Variants in ZNF207 observed in about 807,000 individuals in gnomAD.
ZNF207 encodes the protein zinc finger protein 207, also known as BUB3-interacting and GLEBS motif-containing protein ZNF207.
ZNF207 carries 24 observed loss-of-function variants against 60.2 expected under a neutral mutation model. That is an observed-to-expected ratio of 0.40 (90% CI 0.29 to 0.56). The LOEUF (loss-of-function observed/expected upper bound fraction) is 0.56, where lower values mean the gene tolerates loss of function less well. ZNF207 is among the 20% of genes least tolerant of loss of function. The pLI, the probability that ZNF207 is intolerant of heterozygous loss-of-function variation, is 0.49. For synonymous variants in ZNF207, 236 were observed against 194.7 expected, an observed-to-expected ratio of 1.21 and a Z score of -1.77; for missense variants, 452 against 636.6, an observed-to-expected ratio of 0.71 and a Z score of 3.12.
intron 1 of ZNF207, chr17:32,351,454 C>A: frequency 5.1e-6 from 7 of 1,383,144 alleles, no homozygotes; most frequent in Non-Finnish European, 5.6e-6. Context: ...TGAACTCTTT[C>A]CTGTCCTCAG....
chr17:32,355,756 A>G (rs983915319), intron 2 of ZNF207, among the ~76,000 whole-genome samples: 2 of 152,182 alleles, frequency 1.3e-5, no homozygotes, highest in African/African-American at 2.4e-5. Context: ...AGGTAGGAAA[A>G]CCAAGAGTAG....
chr17:32,375,767 T>G lies in ZNF207; in HGVS notation c.*6008T>G, dbSNP rs571366112. On this transcript the variant is annotated 3_prime_UTR_variant, in exon 12 of 12. Coordinates refer to ENST00000394670, the MANE Select transcript of ZNF207 (RefSeq NM_001098507.2). The stretch of plus-strand genomic sequence containing the variant: ...ATTATTGACCTAATATTGAGTAATC[T>G]TTCTGCGTTATTCCAAATTGAAATT... 8.5e-5 allele frequency: 13 copies of G among 152,282 alleles called. No individual in the cohort carries two copies. In the South Asian group the frequency reaches 2.7e-3, roughly 32 times the overall value. 9.4% of individuals were successfully genotyped at this position (152,282 alleles called of 1,614,324 possible).
intron 2 of ZNF207, among the ~76,000 whole-genome samples, chr17:32,354,396 C>T (rs947803251): frequency 3.3e-5 from 5 of 151,984 alleles, no homozygotes; most frequent in Non-Finnish European, 7.4e-5. Flanking sequence ...CTGCAGCCTC[C>T]GCCTCCTGGG....
At position 32,375,808 on chromosome 17, in the gene ZNF207, G is replaced by T. The variant is rs1905656743; in HGVS notation, c.*6049G>T. Reference sequence around the variant, plus strand: ...AATTGAAATTTGTTTGCTCTTCATTGTAACTTTTATGTAAAAGTCCTTTAA... The same window carrying T: ...AATTGAAATTTGTTTGCTCTTCATTTTAACTTTTATGTAAAAGTCCTTTAA... On this transcript the variant is annotated 3_prime_UTR_variant, in exon 12 of 12. Transcript: ENST00000394670. 1 of 151,948 alleles carries T rather than the reference G, an allele frequency of 6.6e-6. No homozygotes were observed. Among genetic ancestry groups the T allele is most frequent in the Non-Finnish European group, 1.5e-5 (1 of 67,916 alleles). 9.4% of individuals were successfully genotyped at this position (151,948 alleles called of 1,614,324 possible). A position where few individuals can be genotyped will look rare whatever the true frequency, so the allele number is the denominator to read the frequency against.
At chr17:32,361,379 A>G (rs1036215043) in intron 5 of ZNF207, 89 bp from the exon 6 acceptor site, 1 of 1,076,582 alleles carries the variant, frequency 9.3e-7, no homozygotes, top group South Asian at 1.8e-5. Context: ...TTACTTAAAT[A>G]TTGTTGGATG....
Position 32,369,643 on chromosome 17 carries a change from G to T in ZNF207, c.1369G>T (p.Gly457Cys). ...HHQGMPGYLP[G>C]AMPPYGQGPP... ...TCAAGGCATGCCAGGATACCTTCCT[G>T]GTGCTATGCCCCCGTATGGGCAGGG... is the stretch of plus-strand genomic sequence containing the variant. The change falls in exon 12 of 12, where the codon GGT becomes TGT. Residue 457 changes from glycine (G) to cysteine (C), a missense_variant. Transcript: ENST00000394670. 1 of 1,584,054 alleles carries T rather than the reference G, an allele frequency of 6.3e-7. No homozygotes were observed. Among genetic ancestry groups the T allele is most frequent in the Non-Finnish European group, 8.6e-7 (1 of 1,165,384 alleles).
rs935514730 is a variant in ZNF207 at position 32,377,519 on chromosome 17, A to C, written c.*7760A>C. ...TCAGTACATGTTTTTAAAATTGAGA[A>C]TCTCTGATGTGACAAAATCAATTTT... is the stretch of plus-strand genomic sequence containing the variant. On this transcript the variant is annotated 3_prime_UTR_variant, in exon 12 of 12. Coordinates refer to ENST00000394670, the MANE Select transcript of ZNF207 (RefSeq NM_001098507.2). The C allele has an allele frequency of 1.3e-5, 2 of 152,026 alleles. No homozygotes were observed. The highest frequency in any genetic ancestry group is 4.8e-5 in the African/African-American group (2 of 41,442). The allele number at this position is 152,026 out of a possible 1,614,324, so 9.4% of individuals were successfully genotyped here. A position where few individuals can be genotyped will look rare whatever the true frequency, so the allele number is the denominator to read the frequency against.
At chr17:32,363,321 C>T (rs914357219) in intron 7 of ZNF207, among the ~76,000 whole-genome samples, 26 of 151,968 alleles carry the variant, frequency 1.7e-4, no homozygotes, top group Non-Finnish European at 1.0e-4. Flanking sequence ...CTTCTGACCT[C>T]AGGTGATCCA....
chr17:32,366,744 C>T lies in ZNF207; in HGVS notation c.908C>T (p.Pro303Leu). Reference sequence around the variant, plus strand: ...TCTGCATCTTCTAAAGCTCTGTTTCCTAGCACAGCACAAGTACGCAGGAAG... The same window carrying T: ...TCTGCATCTTCTAAAGCTCTGTTTCTTAGCACAGCACAAGTACGCAGGAAG... ...SLSASSKALFPSTAQAQAAVQ... is the reference protein window; with the variant it reads ...SLSASSKALFLSTAQAQAAVQ... The change falls in exon 9 of 12, where the codon CCT becomes CTT. Residue 303 changes from proline to leucine, a missense_variant. Coordinates refer to ENST00000394670, the MANE Select transcript of ZNF207 (RefSeq NM_001098507.2). 6.2e-7 allele frequency: 1 copy of T among 1,608,608 alleles called. No individual in the cohort carries two copies.
At chr17:32,367,547 T>C (rs1467404050) in intron 9 of ZNF207, among the ~76,000 whole-genome samples, 1 of 152,006 alleles carries the variant, frequency 6.6e-6, no homozygotes, top group Non-Finnish European at 1.5e-5. Context: ...ATATGCAGTC[T>C]TATTTCCACT....
intron 7 of ZNF207, 98 bp from the exon 8 acceptor site, chr17:32,365,232 T>G: frequency 3.9e-6 from 5 of 1,296,228 alleles, no homozygotes; most frequent in Non-Finnish European, 5.3e-6. Context: ...GTCGAGTCAT[T>G]GAGCAGTTAA....
In ZNF207 at chr17:32,375,104, T is replaced by C. The variant is rs1375562337; in HGVS notation, c.*5345T>C. ...CAAGCAGTATAGCATTTAGCAAACC[T>C]GGAATTGTTTGTATATGGTTTTCAT... On this transcript the variant is annotated 3_prime_UTR_variant, in exon 12 of 12. Coordinates refer to ENST00000394670, the MANE Select transcript of ZNF207 (RefSeq NM_001098507.2). The C allele has an allele frequency of 1.3e-5, 2 of 152,198 alleles. No homozygotes were observed. Among genetic ancestry groups the C allele is most frequent in the African/African-American group, 4.8e-5 (2 of 41,438 alleles). The allele number at this position is 152,198 out of a possible 1,614,324, so 9.4% of individuals were successfully genotyped here.
At chr17:32,367,441 C>T (rs1436430155) in intron 9 of ZNF207, among the ~76,000 whole-genome samples, 1 of 150,994 alleles carries the variant, frequency 6.6e-6, no homozygotes, top group African/African-American at 2.4e-5. Context: ...AGAACACATG[C>T]TATTCTAAGA....
intron 2 of ZNF207, among the ~76,000 whole-genome samples, chr17:32,357,351 A>ATTTTTTTTTTTTTT (rs1164011891): frequency 6.8e-5 from 5 of 74,024 alleles, no homozygotes; most frequent in African/African-American, 2.8e-4. Flanking sequence ...TATTATTATT[A>ATTTTTTTTTTTTTT]TTTTTTTTTT....
chr17:32,352,370 A>C (rs1293184673), intron 2 of ZNF207, among the ~76,000 whole-genome samples: 1 of 152,196 alleles, frequency 6.6e-6, no homozygotes, highest in African/African-American at 2.4e-5. Context: ...ATTAAAAAAA[A>C]CAAAAAATTT....
rs1905744063 is a variant in ZNF207, at chr17:32,378,176, A to G, written c.*8417A>G. ...ACCCCAGTTGTAATAAAGGTGTAAT[A>G]CTGCTCCTTTGTTATCTCCTTGTGG... On this transcript the variant is annotated 3_prime_UTR_variant, in exon 12 of 12. Coordinates refer to ENST00000394670, the MANE Select transcript of ZNF207 (RefSeq NM_001098507.2). 1 of 152,128 alleles carries G rather than the reference A, an allele frequency of 6.6e-6. No homozygotes were observed. Among genetic ancestry groups the G allele is most frequent in the Non-Finnish European group, 1.5e-5 (1 of 67,916 alleles). 9.4% of individuals were successfully genotyped at this position (152,128 alleles called of 1,614,324 possible).
rs1905674974 is a variant in ZNF207, at chr17:32,376,361, G to A, written c.*6602G>A. ...AAAAAAATTCTTCAGTAAGATAATT[G>A]CTTTTAATAAGTATATTTTTCTTGC... is the stretch of plus-strand genomic sequence containing the variant. On this transcript the variant is annotated 3_prime_UTR_variant, in exon 12 of 12. Coordinates refer to ENST00000394670, the MANE Select transcript of ZNF207 (RefSeq NM_001098507.2). 6.6e-6 allele frequency: 1 copy of A among 151,856 alleles called. No individual in the cohort carries two copies. The highest frequency in any genetic ancestry group is 1.5e-5 in the Non-Finnish European group (1 of 67,864). The allele number at this position is 151,856 out of a possible 1,614,324, so 9.4% of individuals were successfully genotyped here.
Position 32,362,155 on chromosome 17 carries a change from T to A in ZNF207, c.599+640T>A, listed in dbSNP as rs541275887. Among the ~76,000 whole-genome samples the A allele has an allele frequency of 4.6e-3, 696 of 151,354 alleles. 5 individuals are homozygous for A. The highest frequency in any genetic ancestry group is 0.015 in the African/African-American group (637 of 41,178). On this transcript the variant is annotated intron_variant, in intron 6 of 11. Coordinates refer to ENST00000394670, the MANE Select transcript of ZNF207 (RefSeq NM_001098507.2). ...AAGTGTGTGTGTGTGTGTGTGTGTG[T>A]GTATATGTATGTATTTGACACAGGG... is the stretch of plus-strand genomic sequence containing the variant.
At chr17:32,363,956 T>C (rs377705794) in intron 7 of ZNF207, among the ~76,000 whole-genome samples, 62 of 152,340 alleles carry the variant, frequency 4.1e-4, no homozygotes, top group African/African-American at 1.4e-3. Flanking sequence ...TAGCTTTTTT[T>C]CCTCAGAAAT....
Sources: allele counts gnomAD v4.1 joint callset (sites outside exome capture counted in the v4.1 genomes callset), GRCh38; gene constraint gnomAD v4.1.1; transcripts MANE v1.5; gene names NCBI Gene and HGNC (gene_info 2026-07-23, HGNC 2026-07-21).